Variants in RBPMS observed in about 807,000 individuals in gnomAD.
The protein encoded by RBPMS is RNA binding protein, mRNA processing factor, also known as RNA-binding protein with multiple splicing.
A neutral mutation model predicts 26.8 loss-of-function variants in RBPMS; 7 were observed. The observed-to-expected ratio is 0.26, with a 90% CI of 0.15 to 0.49. The LOEUF is 0.49. Among genes scored for constraint, RBPMS ranks in the 20% least tolerant of loss-of-function variants. RBPMS has a pLI of 0.98. For missense variants in RBPMS, 186 were observed against 250.0 expected (o/e 0.74, Z 1.73); for synonymous variants, 96 against 93.3 (o/e 1.03, Z -0.17).
intron 5 of RBPMS, among the ~76,000 whole-genome samples, chr8:30,518,046 G>A (rs1008254732): frequency 1.3e-5 from 2 of 152,184 alleles, no homozygotes; most frequent in Admixed American, 6.5e-5. Flanking sequence ...GATACCATTT[G>A]TTCTGTGAAT....
chr8:30,463,417 C>A (rs1816163092), intron 1 of RBPMS, among the ~76,000 whole-genome samples: 1 of 152,200 alleles, frequency 6.6e-6, no homozygotes, highest in African/African-American at 2.4e-5. Flanking sequence ...ACTCACATGG[C>A]TTTTGGCCAG....
At chr8:30,436,981 GGCGCAATCTCGGCTCACTGCAAGCTCT>G (rs1228309067) in intron 1 of RBPMS, among the ~76,000 whole-genome samples, 12 of 149,996 alleles carry the variant, frequency 8.0e-5, no homozygotes, top group Admixed American at 7.3e-4. Flanking sequence ...GGAGTGCAGT[GGCGCAATCTCGGCTCACTGCAAGCTCT>G]GCCTCCTGGG....
At chr8:30,514,680 C>CTTTTGTTTTTTTTTTTT (rs1822105770) in intron 5 of RBPMS, among the ~76,000 whole-genome samples, 1 of 82,648 alleles carries the variant, frequency 1.2e-5, no homozygotes, top group African/African-American at 5.3e-5. Context: ...CCATGCCGGG[C>CTTTTGTTTTTTTTTTTT]TTTTTTTTTT....
chr8:30,545,721 A>G (rs561250771), intron 6 of RBPMS: 4 of 152,348 alleles, frequency 2.6e-5, no homozygotes, highest in Non-Finnish European at 4.4e-5. Context: ...CTTGAAAGTC[A>G]TGGGGTCGAG....
At chr8:30,385,616 A>T (rs1387423117) in intron 1 of RBPMS, among the ~76,000 whole-genome samples, 1 of 152,064 alleles carries the variant, frequency 6.6e-6, no homozygotes, top group African/African-American at 2.4e-5. Flanking sequence ...TTTCCGTGTT[A>T]AAAGTTCTTG....
Position 30,501,879 on chromosome 8 carries a change from A to G in RBPMS, c.247-2407A>G, listed in dbSNP as rs567914944. Among the ~76,000 whole-genome samples, 5 of 152,124 alleles carry G rather than the reference A, an allele frequency of 3.3e-5. No individual in the cohort carries two copies. The East Asian group carries it at 7.7e-4, about 24-fold the overall frequency. On this transcript the variant is annotated intron_variant, in intron 4 of 8. Coordinates refer to ENST00000397323, the MANE Select transcript of RBPMS (RefSeq NM_001008710.3). Reference sequence around the variant, plus strand: ...AATTTTTTTCTCTTGTCTTCTTCCTATCTGCCTCTTTTTCTTTTTTCCCTC... The same window carrying G: ...AATTTTTTTCTCTTGTCTTCTTCCTGTCTGCCTCTTTTTCTTTTTTCCCTC...
intron 5 of RBPMS, among the ~76,000 whole-genome samples, chr8:30,534,631 A>C (rs1824614445): frequency 6.6e-6 from 1 of 152,170 alleles, no homozygotes; most frequent in Non-Finnish European, 1.5e-5. Flanking sequence ...ACACAGCTTC[A>C]TTCTGGAATT....
intron 1 of RBPMS, among the ~76,000 whole-genome samples, chr8:30,391,740 T>G (rs549917221): frequency 2.2e-4 from 33 of 152,048 alleles, no homozygotes; most frequent in African/African-American, 7.7e-4. Flanking sequence ...AGGTGGGAGG[T>G]CCTTGATATT....
chr8:30,470,286 A>G (rs1816952010), intron 1 of RBPMS, among the ~76,000 whole-genome samples: 1 of 152,088 alleles, frequency 6.6e-6, no homozygotes, highest in South Asian at 2.1e-4. Context: ...CGGGAGGCTA[A>G]GGCAGGAGAA....
chr8:30,536,357 C>T (rs1300531893), intron 5 of RBPMS, among the ~76,000 whole-genome samples: 2 of 152,132 alleles, frequency 1.3e-5, no homozygotes, highest in East Asian at 3.9e-4. Context: ...GAACTCCCGA[C>T]CTCAGGTGAT....
chr8:30,549,809 T>TC (rs766646710), intron 6 of RBPMS, among the ~76,000 whole-genome samples: 3 of 92,610 alleles, frequency 3.2e-5, no homozygotes, highest in Middle Eastern at 7.2e-3. Flanking sequence ...CTCTCTCCTC[T>TC]CTCTCTCTCT....
At position 30,489,591 on chromosome 8, in the gene RBPMS, C is replaced by T. The variant is rs185047842; in HGVS notation, c.246+10214C>T. On this transcript the variant is annotated intron_variant, in intron 4 of 8. Transcript: ENST00000397323. ...TCCTGAGTAGCTGGGATTACAGGCG[C>T]GCGCCGCCACGCCCGGCGAATTTTT... Among the ~76,000 whole-genome samples the T allele has an allele frequency of 3.4e-3, 515 of 151,840 alleles. 1 individual carries two copies. The highest frequency in any genetic ancestry group is 6.8e-3 in the Middle Eastern group (2 of 292).
At chr8:30,500,398 A>G (rs1407433386) in intron 4 of RBPMS, among the ~76,000 whole-genome samples, 1 of 149,386 alleles carries the variant, frequency 6.7e-6, no homozygotes, top group Admixed American at 6.6e-5. Context: ...ATATGTATAT[A>G]TAGCTCTGCT....
intron 5 of RBPMS, among the ~76,000 whole-genome samples, chr8:30,513,318 C>G (rs527805070): frequency 2.6e-5 from 4 of 152,106 alleles, no homozygotes; most frequent in African/African-American, 4.8e-5. Context: ...GTGCCAGGCA[C>G]GGTAGCTCAC....
intron 6 of RBPMS, chr8:30,553,508 G>C (rs1466850671): frequency 6.6e-6 from 1 of 152,186 alleles, no homozygotes; most frequent in Non-Finnish European, 1.5e-5. Flanking sequence ...ATGGCCTAAC[G>C]TGCTTTATTT....
At chr8:30,387,016 G>C (rs1042241466) in intron 1 of RBPMS, 1 of 152,074 alleles carries the variant, frequency 6.6e-6, no homozygotes, top group Non-Finnish European at 1.5e-5. Context: ...ACGCTCCTCC[G>C]TCCTTGTGAG....
At chr8:30,442,194 G>T (rs9642713) in intron 1 of RBPMS, among the ~76,000 whole-genome samples, 33,218 of 152,156 alleles carry the variant, frequency 0.22, 4,503 homozygotes, top group East Asian at 0.43. Flanking sequence ...AGAGCGCGTG[G>T]CTACTGAGTA....
chr8:30,464,018 G>A (rs1471934093), intron 1 of RBPMS, among the ~76,000 whole-genome samples: 2 of 152,258 alleles, frequency 1.3e-5, no homozygotes, highest in Middle Eastern at 3.4e-3. Flanking sequence ...AGCCAGGCCC[G>A]CTGTGAATAC....
chr8:30,474,361 ATTTACTGTGCTCATGTCATTTT>A (rs1817462790), intron 1 of RBPMS, among the ~76,000 whole-genome samples: 1 of 152,160 alleles, frequency 6.6e-6, no homozygotes, highest in African/African-American at 2.4e-5. Context: ...GGAGTGGCAG[ATTTACTGTGCTCATGTCATTTT>A]TTTCTTAAGC....
Sources: gnomAD v4.1 joint callset for allele counts (sites outside exome capture counted in the v4.1 genomes callset) on GRCh38, gnomAD v4.1.1 for gene constraint, MANE v1.5 for transcripts, NCBI Gene and HGNC (gene_info 2026-07-23, HGNC 2026-07-21) for gene names.